The following TPR variants were observed in gnomAD, a reference collection of about 807,000 sequenced individuals.
TPR encodes the protein nucleoprotein TPR.
Under a neutral mutation model 316.1 loss-of-function variants are expected in TPR, and 51 were observed. The ratio of observed to expected loss-of-function variants is 0.16; its 90% CI spans 0.13 to 0.20. The LOEUF is 0.20. Among genes scored for constraint, TPR ranks in the 10% least tolerant of loss-of-function variants. TPR has a pLI of 1.00. For synonymous variants in TPR, 981 were observed against 914.7 expected (o/e 1.07, Z -1.31); for missense variants, 2,272 against 2,754.8 (o/e 0.82, Z 3.92).
At chr1:186,345,450 T>A (rs1658646123) in intron 24 of TPR, 130 bp downstream of exon 24, 4 of 711,488 alleles carry the variant, frequency 5.6e-6, no homozygotes, top group Non-Finnish European at 9.5e-6. Context: ...ATTTGTCTTG[T>A]CTAAGTTCCA....
intron 38 of TPR, among the ~76,000 whole-genome samples, chr1:186,331,974 T>C (rs952774069): frequency 6.6e-6 from 1 of 152,106 alleles, no homozygotes; most frequent in Admixed American, 6.6e-5. Context: ...AGCTTTTTTA[T>C]TGAAATAGAA....
intron 40 of TPR, among the ~76,000 whole-genome samples, chr1:186,326,897 C>T (rs916497285): frequency 1.4e-5 from 2 of 139,372 alleles, no homozygotes; most frequent in East Asian, 2.1e-4. Context: ...TAAAAATGGG[C>T]ATTCCATCAC....
chr1:186,363,080 G>T, intron 5 of TPR, 79 bp from the exon 6 acceptor site: 1 of 1,399,880 alleles, frequency 7.1e-7, no homozygotes, highest in Non-Finnish European at 9.6e-7. Flanking sequence ...GTAGCTAAGG[G>T]ACACAAGCAG....
chr1:186,330,160 C>A (rs574085762), intron 39 of TPR, among the ~76,000 whole-genome samples: 4 of 152,186 alleles, frequency 2.6e-5, no homozygotes, highest in African/African-American at 9.6e-5. Flanking sequence ...CTAAGACAAA[C>A]CCTAAGGTTA....
chr1:186,351,741 A>G (rs1658867583), intron 19 of TPR, among the ~76,000 whole-genome samples: 1 of 152,136 alleles, frequency 6.6e-6, no homozygotes, highest in African/African-American at 2.4e-5. Flanking sequence ...AAATAGTAAA[A>G]CTGCACAGGA....
intron 32 of TPR, 149 bp from the exon 33 acceptor site, chr1:186,336,843 A>G (rs1207587743): frequency 1.1e-5 from 14 of 1,323,692 alleles, no homozygotes; most frequent in Non-Finnish European, 1.0e-5. Context: ...GACCAACTAA[A>G]TGCACACTTG....
chr1:186,374,704 C>T (rs1659652093), intron 1 of TPR, among the ~76,000 whole-genome samples, 174 bp downstream of exon 1: 1 of 151,768 alleles, frequency 6.6e-6, no homozygotes, highest in South Asian at 2.1e-4. Flanking sequence ...ATTTTTTTTT[C>T]AAAGGCTTCT....
chr1:186,355,203 C>G (rs1267766473), intron 17 of TPR, among the ~76,000 whole-genome samples: 2 of 152,138 alleles, frequency 1.3e-5, no homozygotes, highest in East Asian at 3.9e-4. Context: ...CTGCGCCTGG[C>G]TTCAACTTAT....
At position 186,325,814 on chromosome 1, in the gene TPR, C is replaced by G. The variant is rs1419810416; in HGVS notation, c.6062G>C (p.Ser2021Thr). The change falls in exon 42 of 51, where the codon AGT becomes ACT. Residue 2021 changes from serine (S) to threonine (T), a missense_variant. By Grantham distance (58) the Ser-to-Thr change is moderately conservative. Around this residue, in one of 10 missense-constraint regions of TPR, gnomAD observed 435 missense variants for 461.1 expected, o/e 0.94. Transcript: ENST00000367478. ...GTGATTACCTTCACCTCCACCCATACTTTCTTCTGTTTCTGTACCTGGATC... is the reference window on the plus strand; with the variant it reads ...GTGATTACCTTCACCTCCACCCATAGTTTCTTCTGTTTCTGTACCTGGATC... ...GTDPGTETEE[S>T]MGGGEGNHRA... is the part of the protein sequence containing the mutation. The G allele has an allele frequency of 6.2e-7, 1 of 1,613,766 alleles. No homozygotes were observed. Among genetic ancestry groups the G allele is most frequent in the Non-Finnish European group, 8.5e-7 (1 of 1,179,778 alleles).
At chr1:186,368,388 G>A (rs578156615) in intron 3 of TPR, among the ~76,000 whole-genome samples, 5 of 152,246 alleles carry the variant, frequency 3.3e-5, no homozygotes, top group South Asian at 4.1e-4. Context: ...AAGCTGGGCC[G>A]ATCATTTGAG....
chr1:186,343,185 T>G (rs561338636), intron 27 of TPR, 141 bp downstream of exon 27: 2 of 1,174,152 alleles, frequency 1.7e-6, no homozygotes, highest in Admixed American at 2.7e-5. Flanking sequence ...ATATTAGTGT[T>G]TAACAAATGC....
chr1:186,356,384 C>T lies in TPR; in HGVS notation c.1790G>A (p.Arg597Gln). 1 of 1,613,774 alleles carries T rather than the reference C, an allele frequency of 6.2e-7. No individual in the cohort carries two copies. Among genetic ancestry groups the T allele is most frequent in the Non-Finnish European group, 8.5e-7 (1 of 1,179,826 alleles). Residue 597 changes from arginine to glutamine, a missense_variant, in exon 15 of 51, where the codon CGA (arginine) becomes CAA (glutamine). Around this residue, in one of 10 missense-constraint regions of TPR, gnomAD observed 757 missense variants for 859.8 expected, o/e 0.88. Transcript: ENST00000367478. ...ATCAACAAGCTGCATTTGATGCTGT[C>T]GTGATTTGCGGAGTTGTTCTAGTTC... ...LTELEQLRKSRQHQMQLVDSI... is the reference protein window; with the variant it reads ...LTELEQLRKSQQHQMQLVDSI...
At chr1:186,338,705 G>A (rs1401000525) in intron 30 of TPR, among the ~76,000 whole-genome samples, 1 of 152,064 alleles carries the variant, frequency 6.6e-6, no homozygotes, top group Non-Finnish European at 1.5e-5. Flanking sequence ...TAGCTTATAG[G>A]CTGTACAAAA....
At chr1:186,322,984 T>A (rs1213342031) in intron 43 of TPR, among the ~76,000 whole-genome samples, 1 of 152,210 alleles carries the variant, frequency 6.6e-6, no homozygotes, top group Non-Finnish European at 1.5e-5. Context: ...ATGGACAGAT[T>A]GGATATATTT....
rs1448580763 is a variant in TPR at position 186,327,654 on chromosome 1, T to C, written c.5695A>G (p.Thr1899Ala). The C allele has an allele frequency of 6.2e-7, 1 of 1,612,190 alleles. No individual in the cohort carries two copies. Among genetic ancestry groups the C allele is most frequent in the Admixed American group, 1.7e-5 (1 of 59,618 alleles). ...TCCATAGGTGTATAATCTCCCTGGG[T>C]AACTCCCTTTAAAAATAAAAAAGTT... Reference protein sequence around the residue: ...DSQDSIGEGVTQGDYTPMEDS... With the variant: ...DSQDSIGEGVAQGDYTPMEDS... Residue 1899 changes from threonine (T) to alanine (A), a missense_variant, in exon 40 of 51, where the codon ACC (threonine) becomes GCC (alanine). This residue lies in a region of TPR where 435 missense variants were observed against 461.1 expected (regional missense o/e 0.94). Coordinates refer to ENST00000367478, the MANE Select transcript of TPR (RefSeq NM_003292.3).
At chr1:186,323,334 A>G (rs1036011189) in intron 43 of TPR, among the ~76,000 whole-genome samples, 39 of 152,216 alleles carry the variant, frequency 2.6e-4, no homozygotes, top group Non-Finnish European at 4.4e-5. Context: ...AAATACGTGC[A>G]CTGTAGAGAA....
chr1:186,347,262 A>G (rs1430521721), intron 22 of TPR, 30 bp downstream of exon 22: 2 of 1,606,886 alleles, frequency 1.2e-6, no homozygotes, highest in East Asian at 2.2e-5. Flanking sequence ...ATGTGTTGAG[A>G]TTGAATTCTG....
chr1:186,361,260 TAA>T (rs1486914896), intron 9 of TPR, among the ~76,000 whole-genome samples: 1 of 151,726 alleles, frequency 6.6e-6, no homozygotes, highest in African/African-American at 2.4e-5. Context: ...TTTGAGGAAA[TAA>T]AAGACTTTAC....
chr1:186,341,492 T>TAA, intron 27 of TPR, 103 bp from the exon 28 acceptor site: 2 of 1,279,330 alleles, frequency 1.6e-6, no homozygotes, highest in Non-Finnish European at 2.1e-6. Context: ...AAAGAGGATT[T>TAA]AAGTTTCAAC....
Sources: gnomAD v4.1 joint callset for allele counts (sites outside exome capture counted in the v4.1 genomes callset) on GRCh38, gnomAD v4.1.1 for gene constraint, gnomAD v4.1.1 regional missense constraint, MANE v1.5 for transcripts, NCBI Gene and HGNC (gene_info 2026-07-23, HGNC 2026-07-21) for gene names.